ABR: variants seen among roughly 807,000 people sequenced by gnomAD.
ABR encodes the protein ABR activator of RhoGEF and GTPase.
Under a neutral mutation model 107.2 loss-of-function variants are expected in ABR, and 35 were observed. The observed-to-expected ratio is 0.33, with a 90% CI of 0.25 to 0.43. ABR has a LOEUF of 0.43. Among genes scored for constraint, ABR ranks in the 20% least tolerant of loss-of-function variants. The pLI is 1.00. For missense variants in ABR, 815 were observed against 1,115.2 expected (o/e 0.73, Z 3.83); for synonymous variants, 498 against 462.0 (o/e 1.08, Z -1.00).
chr17:1,055,016 G>A (rs988435935), intron 14 of ABR, among the ~76,000 whole-genome samples: 3 of 152,034 alleles, frequency 2.0e-5, no homozygotes, highest in Admixed American at 1.3e-4. Context: ...CTGGCAAATG[G>A]GTAGAAACTA....
At chr17:1,119,791 A>T (rs1264194397) in intron 2 of ABR, among the ~76,000 whole-genome samples, 1 of 152,232 alleles carries the variant, frequency 6.6e-6, no homozygotes, top group Non-Finnish European at 1.5e-5. Flanking sequence ...TGTGAGCGGG[A>T]CCTGACAGCG....
At position 1,169,839 on chromosome 17, in the gene ABR, C is replaced by T. The variant is rs372376302; in HGVS notation, c.61+9828G>A. On this transcript the variant is annotated intron_variant, in intron 1 of 22. Coordinates refer to ENST00000302538, the MANE Select transcript of ABR (RefSeq NM_021962.5). ...AAAAGGCTGGAGAGCAGGGCCAGCA[C>T]GCTTGGGCTCTGCCAAATCCCCGCG... Among the ~76,000 whole-genome samples, 23 of 152,176 alleles carry T rather than the reference C, an allele frequency of 1.5e-4. No homozygotes were observed. In the East Asian group the frequency reaches 2.1e-3, roughly 14 times the overall value.
intron 1 of ABR, among the ~76,000 whole-genome samples, chr17:1,198,793 A>T (rs1203283694): frequency 8.7e-6 from 1 of 114,388 alleles, no homozygotes; most frequent in Non-Finnish European, 1.8e-5. Flanking sequence ...CCACCACCAC[A>T]CCTGGCAAAT....
rs551571129 is a variant in ABR, at chr17:1,158,568, G to A, written c.61+21099C>T. Among the ~76,000 whole-genome samples the A allele has an allele frequency of 2.0e-5, 3 of 151,908 alleles. No homozygotes were observed. The East Asian group carries it at 5.9e-4, about 30-fold the overall frequency. ...GCCTGAGGTCAGGAGTTCAAGACCAGCTTGGCCAACATGATGAAACCTTGT... is the reference window on the plus strand; with the variant it reads ...GCCTGAGGTCAGGAGTTCAAGACCAACTTGGCCAACATGATGAAACCTTGT... On this transcript the variant is annotated intron_variant, in intron 1 of 22. Transcript: ENST00000302538.
At position 1,210,231 on chromosome 17, in the gene ABR, C is replaced by G. The variant is rs2042875396; in HGVS notation, c.838+18562G>C. On this transcript the variant is annotated intron_variant, in intron 1 of 22. Transcript: ENST00000574139. This position sits in a 1 kb window ranked among gnomAD's most constrained non-coding sequence, Gnocchi z 5.6. ...CCTGCGTAGAAAGTTCTGACCTAAG[C>G]CGGGCGCCGTGGCTCACACCTGTAA... 6.6e-6 allele frequency among the ~76,000 whole-genome samples: 1 copy of G among 152,200 alleles called. No individual in the cohort carries two copies. Among genetic ancestry groups the G allele is most frequent in the African/African-American group, 2.4e-5 (1 of 41,468 alleles).
intron 5 of ABR, among the ~76,000 whole-genome samples, chr17:1,080,951 G>C (rs560827866): frequency 1.3e-5 from 2 of 152,166 alleles, no homozygotes; most frequent in Non-Finnish European, 1.5e-5. Context: ...GCACGTCATC[G>C]AGTGAGTCAG....
chr17:1,026,815 C>T (rs1184996625), intron 16 of ABR, among the ~76,000 whole-genome samples: 1 of 152,246 alleles, frequency 6.6e-6, no homozygotes, highest in Non-Finnish European at 1.5e-5. Context: ...TTCCCAACCA[C>T]CTGGGCAGTG....
At position 1,050,647 on chromosome 17, in the gene ABR, G is replaced by T. The variant is rs184266761; in HGVS notation, c.1562-13C>A. 1.2e-6 allele frequency: 2 copies of T among 1,609,092 alleles called. No individual in the cohort carries two copies. The highest frequency in any genetic ancestry group is 1.7e-5 in the Admixed American group (1 of 59,994). On this transcript the variant is annotated splice_polypyrimidine_tract_variant and intron_variant, in intron 14 of 22. Coordinates refer to ENST00000302538, the MANE Select transcript of ABR (RefSeq NM_021962.5). This position sits in a 1 kb window ranked among gnomAD's most constrained non-coding sequence, Gnocchi z 4.6. Reference sequence around the variant, plus strand: ...GTACAGTACAGGTCTGTGGGGGAAGGACAGACGGAGATACTGAGTGAGTGG... The same window carrying T: ...GTACAGTACAGGTCTGTGGGGGAAGTACAGACGGAGATACTGAGTGAGTGG...
chr17:1,053,506 A>G (rs572342453), intron 14 of ABR, among the ~76,000 whole-genome samples: 60 of 152,142 alleles, frequency 3.9e-4, no homozygotes, highest in Admixed American at 1.4e-3. Context: ...CCAGCTCTGC[A>G]CAGATCACCT....
At chr17:1,152,754 T>A (rs2040850798) in intron 1 of ABR, among the ~76,000 whole-genome samples, 1 of 152,104 alleles carries the variant, frequency 6.6e-6, no homozygotes, top group Non-Finnish European at 1.5e-5. Context: ...AAGCGCTCTG[T>A]TATCTTTAGC....
At chr17:1,031,903 T>G (rs1486073034) in intron 16 of ABR, 3 of 499,398 alleles carry the variant, frequency 6.0e-6, no homozygotes, top group Non-Finnish European at 5.2e-6. Context: ...TCCGTCCGCG[T>G]CCCTCCTCCC....
At chr17:1,013,818 C>T (rs891327943) in intron 16 of ABR, among the ~76,000 whole-genome samples, 3 of 152,216 alleles carry the variant, frequency 2.0e-5, no homozygotes, top group African/African-American at 7.2e-5. Context: ...AGTCCCCAGG[C>T]TCGGGCTGGA....
At chr17:1,065,907 G>C (rs1201461814) in intron 10 of ABR, among the ~76,000 whole-genome samples, 1 of 152,000 alleles carries the variant, frequency 6.6e-6, no homozygotes, top group African/African-American at 2.4e-5. Flanking sequence ...CACCACGCCA[G>C]GCTAATTTTG....
At chr17:1,103,955 G>C (rs552465517) in intron 2 of ABR, among the ~76,000 whole-genome samples, 56 of 152,232 alleles carry the variant, frequency 3.7e-4, no homozygotes, top group Non-Finnish European at 7.1e-4. Flanking sequence ...TTCAGTCTTT[G>C]CAGGGCGTCT....
chr17:1,152,069 C>T (rs1169596369), intron 1 of ABR, among the ~76,000 whole-genome samples: 1 of 149,432 alleles, frequency 6.7e-6, no homozygotes, highest in Non-Finnish European at 1.5e-5. Context: ...GCAGGTGGAT[C>T]ACGAGGTCAG....
intron 1 of ABR, among the ~76,000 whole-genome samples, chr17:1,208,907 C>T (rs1184370493): frequency 6.8e-6 from 1 of 147,696 alleles, no homozygotes; most frequent in Non-Finnish European, 1.5e-5. Context: ...AAAAAAAAGC[C>T]TGCTTTGTGC....
intron 2 of ABR, among the ~76,000 whole-genome samples, chr17:1,109,446 G>C (rs1368776346): frequency 3.3e-5 from 5 of 151,994 alleles, no homozygotes; most frequent in Non-Finnish European, 7.4e-5. Flanking sequence ...CACAGGAAAC[G>C]CGCGTCGCGA....
intron 18 of ABR, 64 bp downstream of exon 18, chr17:1,012,624 G>A (rs1015380549): frequency 8.0e-7 from 1 of 1,255,538 alleles, no homozygotes; most frequent in African/African-American, 1.5e-5. Flanking sequence ...AGGGCTGGGG[G>A]GCCCGGGCTG....
intron 2 of ABR, among the ~76,000 whole-genome samples, chr17:1,121,095 T>C (rs2039324356): frequency 6.6e-6 from 1 of 152,262 alleles, no homozygotes; most frequent in East Asian, 1.9e-4. Context: ...CCTGCCGTGC[T>C]GCCCTGCTCA....
Sources: allele counts gnomAD v4.1 joint callset (sites outside exome capture counted in the v4.1 genomes callset), GRCh38; gene constraint gnomAD v4.1.1; non-coding constraint Gnocchi (gnomAD v3.1); transcripts MANE v1.5; gene names NCBI Gene and HGNC (gene_info 2026-07-23, HGNC 2026-07-21).